The following SMTN variants were observed in gnomAD, a reference collection of about 807,000 sequenced individuals.
SMTN encodes the protein smoothelin.
Under a neutral mutation model 102.0 loss-of-function variants are expected in SMTN, and 58 were observed. The observed-to-expected ratio is 0.57, with a 90% CI of 0.46 to 0.71. The LOEUF (loss-of-function observed/expected upper bound fraction) is 0.71. SMTN is among the 30% of genes least tolerant of loss of function. SMTN has a pLI of 0.00. For synonymous variants in SMTN, 478 were observed against 497.9 expected (o/e 0.96, Z 0.53); for missense variants, 1,185 against 1,241.7 (o/e 0.95, Z 0.69).
At chr22:31,096,973 T>C in intron 14 of SMTN, 25 bp from the exon 15 acceptor site, 1 of 1,613,886 alleles carries the variant, frequency 6.2e-7, no homozygotes, top group South Asian at 1.1e-5. Context: ...GCCTTTCACA[T>C]CCTTCTCATC....
At chr22:31,071,680 TTCTC>T (rs975801635) in intron 1 of SMTN, among the ~76,000 whole-genome samples, 190 of 145,782 alleles carry the variant, frequency 1.3e-3, no homozygotes, top group Middle Eastern at 7.1e-3. Flanking sequence ...AGCTCTCTCT[TTCTC>T]TCTCTCTCTC....
At chr22:31,071,671 G>A (rs533196937) in intron 1 of SMTN, among the ~76,000 whole-genome samples, 8 of 142,734 alleles carry the variant, frequency 5.6e-5, no homozygotes, top group Non-Finnish European at 9.1e-5. Context: ...AATAGTTCTA[G>A]CTCTCTCTTT....
At chr22:31,074,870 G>T (rs774162096) in intron 1 of SMTN, among the ~76,000 whole-genome samples, 14 of 152,188 alleles carry the variant, frequency 9.2e-5, no homozygotes, top group African/African-American at 1.4e-4. Flanking sequence ...AACGTTGGGG[G>T]CTATTGTGAG....
At chr22:31,076,818 G>C (rs1176874224), upstream of SMTN, among the ~76,000 whole-genome samples, 1 of 152,152 alleles carries the variant, frequency 6.6e-6, no homozygotes, top group Non-Finnish European at 1.5e-5. Context: ...AGAAGGGTTT[G>C]CTGGGATCCC....
rs368521475 is a variant in SMTN at position 31,090,025 on chromosome 22, T to C, written c.792+6T>C. The C allele has an allele frequency of 2.5e-6, 4 of 1,609,262 alleles. No individual in the cohort carries two copies. In the African/African-American group the frequency reaches 5.3e-5, roughly 22 times the overall value. ...AGGGCCAGGTGGTCAACAAGGTGAG[T>C]CTGGATGAGGGGCAGGGATGCCAGG... On this transcript the variant is annotated splice_donor_region_variant and intron_variant, in intron 7 of 20. Transcript: ENST00000333137.
intron 1 of SMTN, among the ~76,000 whole-genome samples, chr22:31,070,710 G>C (rs1474762654): frequency 6.6e-6 from 1 of 151,862 alleles, no homozygotes; most frequent in Non-Finnish European, 1.5e-5. Context: ...GATCACTTGA[G>C]GTCAGGGGTT....
rs1445122216 is a variant in SMTN, at chr22:31,090,163, C to A, written c.848C>A (p.Ser283Tyr). The change falls in exon 8 of 21, where the codon TCT becomes TAT. Residue 283 changes from serine to tyrosine, a missense_variant. Physicochemically the swap from Ser to Tyr is moderately radical, Grantham distance 144. Around this residue, in one of 2 missense-constraint regions of SMTN, gnomAD observed 1,096 missense variants for 1,112.7 expected, o/e 0.98. Transcript: ENST00000333137. ...PAAQSPTRGP[S>Y]DTKRADVAGP... ...GCCCAGAGCCCCACCAGAGGCCCCT[C>A]TGACACCAAGAGAGCAGGTGAGGGT... 2 of 1,611,586 alleles carry A rather than the reference C, an allele frequency of 1.2e-6. No individual in the cohort carries two copies. Among genetic ancestry groups the A allele is most frequent in the South Asian group, 2.2e-5 (2 of 90,834 alleles).
At position 31,096,660 on chromosome 22, in the gene SMTN, C is replaced by T. The variant is rs1421682001; in HGVS notation, c.1862-73C>T. The T allele has an allele frequency of 2.8e-6, 4 of 1,451,098 alleles. No homozygotes were observed. In the Admixed American group the frequency reaches 7.2e-5, roughly 26 times the overall value. The allele number at this position is 1,451,098 out of a possible 1,614,324, so 89.9% of individuals were successfully genotyped here. A position where few individuals can be genotyped will look rare whatever the true frequency, so the allele number is the denominator to read the frequency against. On this transcript the variant is annotated intron_variant, in intron 13 of 20. Transcript: ENST00000333137. Reference sequence around the variant, plus strand: ...ACCCTCCACCCCGTCTTGTGTGCCCCATGCACCTGTGCATCTGTGCTGTGT... The same window carrying T: ...ACCCTCCACCCCGTCTTGTGTGCCCTATGCACCTGTGCATCTGTGCTGTGT...
rs765408060 is a variant in SMTN, at chr22:31,095,253, G to C, written c.1633-50G>C. 1 of 1,594,862 alleles carries C rather than the reference G, an allele frequency of 6.3e-7. No homozygotes were observed. The highest frequency in any genetic ancestry group is 8.6e-7 in the Non-Finnish European group (1 of 1,167,838). On this transcript the variant is annotated intron_variant, in intron 11 of 20. Coordinates refer to ENST00000333137, the MANE Select transcript of SMTN (RefSeq NM_134269.3). The surrounding 1 kb of genome is among the most constrained non-coding windows in gnomAD (Gnocchi z 4.1). ...TCCCTATCCATTGGAGACATGATGA[G>C]TTTCACCCATACCCCTGCTTAAAGT...
At position 31,104,509 on chromosome 22, in the gene SMTN, C is replaced by G. The variant is rs1329226978; in HGVS notation, c.*214C>G. On this transcript the variant is annotated 3_prime_UTR_variant, in exon 21 of 21. Transcript: ENST00000333137. Reference sequence around the variant, plus strand: ...CCAGCCAGTGGCAAGCTGCCGCCCCCACTCTCCGGGCACCGTCTCCTGCCT... The same window carrying G: ...CCAGCCAGTGGCAAGCTGCCGCCCCGACTCTCCGGGCACCGTCTCCTGCCT... 7 of 1,602,102 alleles carry G rather than the reference C, an allele frequency of 4.4e-6. No individual in the cohort carries two copies. Among genetic ancestry groups the G allele is most frequent in the Non-Finnish European group, 6.0e-6 (7 of 1,176,286 alleles).
chr22:31,070,923 C>CA (rs111579063), intron 1 of SMTN, among the ~76,000 whole-genome samples: 2,624 of 104,394 alleles, frequency 0.025, 47 homozygotes, highest in Middle Eastern at 0.069. Context: ...AACTCTGTCT[C>CA]AAAAAAAAAA....
At position 31,104,392 on chromosome 22, in the gene SMTN, G is replaced by C; in HGVS notation, c.*97G>C. The C allele has an allele frequency of 6.2e-7, 1 of 1,614,180 alleles. No homozygotes were observed. The highest frequency in any genetic ancestry group is 8.5e-7 in the Non-Finnish European group (1 of 1,180,032). ...GGGCAAGAAGCCTGACCCCAAGTGT[G>C]TCTTCACCTATGTGCAGTCGCTCTA... On this transcript the variant is annotated 3_prime_UTR_variant, in exon 21 of 21. Coordinates refer to ENST00000333137, the MANE Select transcript of SMTN (RefSeq NM_134269.3).
chr22:31,071,128 T>C (rs992294524), intron 1 of SMTN, among the ~76,000 whole-genome samples: 2 of 151,642 alleles, frequency 1.3e-5, no homozygotes, highest in African/African-American at 2.4e-5. Flanking sequence ...TAGTCCCAGC[T>C]ACTTTGGTGG....
In SMTN at chr22:31,099,591, G is replaced by A. The variant is rs116305817; in HGVS notation, c.2452-154G>A. On this transcript the variant is annotated intron_variant, in intron 18 of 20. Transcript: ENST00000333137. ...AATATGGGAGTTGACAGGCTGACTT[G>A]GAGGAGGCTCATGTTCCAACTATTC... 4.2e-3 allele frequency: 3,263 copies of A among 771,370 alleles called. 57 individuals carry two copies. The highest frequency in any genetic ancestry group is 0.042 in the African/African-American group (2,391 of 57,074). 47.8% of individuals were successfully genotyped at this position (771,370 alleles called of 1,614,324 possible). A position where few individuals can be genotyped will look rare whatever the true frequency, so the allele number is the denominator to read the frequency against.
chr22:31,085,440 T>A, intron 2 of SMTN: 1 of 711,372 alleles, frequency 1.4e-6, no homozygotes, highest in Non-Finnish European at 2.3e-6. Flanking sequence ...GAGAGCCCCC[T>A]CCGTTGTGCT....
intron 11 of SMTN, chr22:31,093,874 C>G: frequency 6.4e-7 from 1 of 1,558,046 alleles, no homozygotes; most frequent in Admixed American, 1.8e-5. Context: ...CAGCACTAGT[C>G]TCGTAAGTGC....
At chr22:31,094,746 A>T (rs542772058) in intron 11 of SMTN, among the ~76,000 whole-genome samples, 57 of 150,014 alleles carry the variant, frequency 3.8e-4, no homozygotes, top group Non-Finnish European at 3.8e-4. Context: ...CAGCTGCATG[A>T]TCATAGCTCT....
At position 31,101,353 on chromosome 22, in the gene SMTN, C is replaced by A; in HGVS notation, c.*20+304C>A. On this transcript the variant is annotated intron_variant, in intron 20 of 20. Transcript: ENST00000333137. Reference sequence around the variant, plus strand: ...AACTAAGCTGGGATCTGAACAAGTTCAGGCTAAAGGAGGGAGAGGGAGTTC... The same window carrying A: ...AACTAAGCTGGGATCTGAACAAGTTAAGGCTAAAGGAGGGAGAGGGAGTTC... 2 of 313,666 alleles carry A rather than the reference C, an allele frequency of 6.4e-6. 1 individual carries two copies. Among genetic ancestry groups the A allele is most frequent in the South Asian group, 1.1e-4 (2 of 18,100 alleles). 19.4% of individuals were successfully genotyped at this position (313,666 alleles called of 1,614,324 possible). A position where few individuals can be genotyped will look rare whatever the true frequency, so the allele number is the denominator to read the frequency against.
At chr22:31,084,861 A>C in intron 2 of SMTN, 1 of 884,496 alleles carries the variant, frequency 1.1e-6, no homozygotes, top group Non-Finnish European at 1.6e-6. Flanking sequence ...GGCGCCCGCC[A>C]TTACTGCGCC....
Sources: allele counts gnomAD v4.1 joint callset (sites outside exome capture counted in the v4.1 genomes callset), GRCh38; gene constraint gnomAD v4.1.1; regional missense constraint gnomAD v4.1.1; non-coding constraint Gnocchi (gnomAD v3.1); transcripts MANE v1.5; gene names NCBI Gene and HGNC (gene_info 2026-07-23, HGNC 2026-07-21).